The following CHIC2 variants were observed in gnomAD, a reference collection of about 807,000 sequenced individuals.
The protein encoded by CHIC2 is cysteine-rich hydrophobic domain-containing protein 2.
Under a neutral mutation model 25.9 loss-of-function variants are expected in CHIC2, and 14 were observed. That is an observed-to-expected ratio of 0.54 (90% confidence interval 0.36 to 0.85). The LOEUF is 0.85. CHIC2 is among the 40% of genes least tolerant of loss of function. The pLI, the probability that CHIC2 is intolerant of heterozygous loss-of-function variation, is 0.01. For synonymous variants in CHIC2, 70 were observed against 72.0 expected (o/e 0.97, Z 0.14); for missense variants, 146 against 202.0 (o/e 0.72, Z 1.68).
At chr4:54,055,511 T>C (rs1717147509) in intron 1 of CHIC2, among the ~76,000 whole-genome samples, 1 of 152,164 alleles carries the variant, frequency 6.6e-6, no homozygotes, top group Non-Finnish European at 1.5e-5. Flanking sequence ...ATTTGGGGTG[T>C]AGATTATGAA....
At chr4:54,026,854 GTTTCA>G (rs1469156462) in intron 3 of CHIC2, among the ~76,000 whole-genome samples, 2 of 151,764 alleles carry the variant, frequency 1.3e-5, no homozygotes, top group Non-Finnish European at 2.9e-5. Flanking sequence ...AATCTTAATG[GTTTCA>G]TTTCAATTAT....
chr4:54,090,190 T>C, the CHIC2 span, among the ~76,000 whole-genome samples: 1 of 151,624 alleles, frequency 6.6e-6, no homozygotes. Context: ...TTTTATTTTA[T>C]ATATATATAT....
At chr4:54,060,868 G>T (rs957115487) in intron 1 of CHIC2, 2 of 152,074 alleles carry the variant, frequency 1.3e-5, no homozygotes, top group African/African-American at 4.8e-5. Flanking sequence ...TTAATTGAAT[G>T]GTGACTGTAA....
intron 1 of CHIC2, among the ~76,000 whole-genome samples, chr4:54,054,066 G>A (rs1717092788): frequency 6.6e-6 from 1 of 152,186 alleles, no homozygotes; most frequent in Non-Finnish European, 1.5e-5. Context: ...GGGATTACAG[G>A]CGTGAGCCAC....
chr4:54,049,034 C>T lies in CHIC2; in HGVS notation c.251G>A (p.Arg84His), dbSNP rs776022789. 3 of 1,611,844 alleles carry T rather than the reference C, an allele frequency of 1.9e-6. No homozygotes were observed. The highest frequency in any genetic ancestry group is 1.7e-6 in the Non-Finnish European group (2 of 1,178,806). The change falls in exon 3 of 6, where the codon CGT becomes CAT. Residue 84 changes from arginine (R) to histidine (H), a missense_variant. Transcript: ENST00000263921. ...CLKKNLPVNV[R>H]WLLCGCLCCC... ...ACAAAGGCAGCCACAAAGTAGCCAA[C>T]GTACATTAACAGGAAGGTTCTTCTT...
the CHIC2 span, among the ~76,000 whole-genome samples, chr4:54,089,021 G>A: frequency 6.6e-6 from 1 of 152,078 alleles, no homozygotes; most frequent in African/African-American, 2.4e-5. Context: ...TAGTTTCCAG[G>A]GCATCTTCCT....
At chr4:54,037,954 T>C (rs533547345) in intron 3 of CHIC2, among the ~76,000 whole-genome samples, 5 of 151,878 alleles carry the variant, frequency 3.3e-5, no homozygotes, top group South Asian at 2.1e-4. Flanking sequence ...GACAAATCAA[T>C]GACTTCTACC....
the CHIC2 span, among the ~76,000 whole-genome samples, chr4:54,070,398 T>TTATTTATTTATG: frequency 6.6e-6 from 1 of 150,838 alleles, no homozygotes; most frequent in African/African-American, 2.4e-5. Flanking sequence ...ATTTATTTAT[T>TTATTTATTTATG]TATTTATTTA....
chr4:54,011,740 CAT>C (rs1252467116), intron 5 of CHIC2, among the ~76,000 whole-genome samples: 1 of 151,902 alleles, frequency 6.6e-6, no homozygotes, highest in East Asian at 1.9e-4. Flanking sequence ...AGAAGCCACA[CAT>C]AGAGACTGGC....
chr4:54,024,827 CT>C (rs1001023879), intron 3 of CHIC2, among the ~76,000 whole-genome samples: 1 of 152,174 alleles, frequency 6.6e-6, no homozygotes, highest in African/African-American at 2.4e-5. Context: ...CTTCTAACTT[CT>C]GTTTAGTTTC....
At chr4:54,087,133 C>T in the CHIC2 span, 20 of 823,564 alleles carry the variant, frequency 2.4e-5, no homozygotes, top group Middle Eastern at 2.3e-4. Flanking sequence ...CTTCAGGATC[C>T]GTGAGGAAGA....
intron 3 of CHIC2, among the ~76,000 whole-genome samples, chr4:54,045,370 C>T (rs985678871): frequency 6.6e-6 from 1 of 152,200 alleles, no homozygotes; most frequent in African/African-American, 2.4e-5. Context: ...AGACCAATAT[C>T]CTTGATGAAC....
chr4:54,090,921 G>T, the CHIC2 span, among the ~76,000 whole-genome samples: 1 of 151,944 alleles, frequency 6.6e-6, no homozygotes, highest in Non-Finnish European at 1.5e-5. Flanking sequence ...TGTATGACTG[G>T]CATTTTGCAA....
At chr4:54,048,842 C>T (rs947870310) in intron 3 of CHIC2, 113 bp downstream of exon 3, 6 of 851,038 alleles carry the variant, frequency 7.1e-6, no homozygotes, top group African/African-American at 1.8e-5. Context: ...AGATTATTTT[C>T]ATATTTTATT....
chr4:54,019,895 T>TA (rs11441353), intron 3 of CHIC2, among the ~76,000 whole-genome samples: 55,196 of 150,968 alleles, frequency 0.37, 10,533 homozygotes, highest in African/African-American at 0.45. Flanking sequence ...CTATTATTGT[T>TA]AAAAAAAAAT....
intron 1 of CHIC2, among the ~76,000 whole-genome samples, chr4:54,063,543 G>C (rs1577991294): frequency 6.6e-6 from 1 of 152,192 alleles, no homozygotes; most frequent in African/African-American, 2.4e-5. Context: ...TTTTCCCTCA[G>C]TAACCTGAGC....
At chr4:54,036,950 T>C (rs1716406154) in intron 3 of CHIC2, among the ~76,000 whole-genome samples, 1 of 151,752 alleles carries the variant, frequency 6.6e-6, no homozygotes, top group Non-Finnish European at 1.5e-5. Flanking sequence ...AAAATGTCCA[T>C]CAGCAGGTAA....
the CHIC2 span, chr4:54,087,628 G>A: frequency 6.5e-6 from 4 of 615,390 alleles, no homozygotes; most frequent in Non-Finnish European, 7.9e-6. Context: ...AAGAATAGGA[G>A]AAATGTTGGC....
intron 3 of CHIC2, among the ~76,000 whole-genome samples, chr4:54,022,653 G>A (rs931678826): frequency 6.6e-6 from 1 of 151,924 alleles, no homozygotes; most frequent in African/African-American, 2.4e-5. Flanking sequence ...CCAACCCAAA[G>A]CCTCCTTCAC....
Sources: gnomAD v4.1 joint callset for allele counts (sites outside exome capture counted in the v4.1 genomes callset) on GRCh38, gnomAD v4.1.1 for gene constraint, MANE v1.5 for transcripts, NCBI Gene and HGNC (gene_info 2026-07-23, HGNC 2026-07-21) for gene names.